The following RPLP0 variants were observed in gnomAD, a reference collection of about 807,000 sequenced individuals.
The protein encoded by RPLP0 is ribosomal protein lateral stalk subunit P0.
For synonymous variants in RPLP0, 137 were observed against 153.4 expected (o/e 0.89, Z 0.79); for missense variants, 276 against 402.9 (o/e 0.69, Z 2.70).
At chr12:120,197,617 C>T in intron 6 of RPLP0, 155 bp from the exon 7 acceptor site, 1 of 795,016 alleles carries the variant, frequency 1.3e-6, no homozygotes, top group Non-Finnish European at 2.0e-6. Flanking sequence ...ATGCTCCTGG[C>T]AGAGCAATTC....
intron 7 of RPLP0, 47 bp downstream of exon 7, chr12:120,197,275 A>G (rs762019528): frequency 1.3e-6 from 2 of 1,562,444 alleles, no homozygotes; most frequent in Admixed American, 1.7e-5. Flanking sequence ...TCACCCTGCT[A>G]ATTTGTCACA....
intron 2 of RPLP0, 173 bp downstream of exon 2, chr12:120,200,557 G>T: frequency 3.0e-6 from 2 of 659,830 alleles, no homozygotes; most frequent in Non-Finnish European, 5.0e-6. Context: ...GCCTGAGCCC[G>T]TTTATCTGCA....
At chr12:120,197,509 G>T (rs1456754782) in intron 6 of RPLP0, 47 bp from the exon 7 acceptor site, 2 of 1,510,300 alleles carry the variant, frequency 1.3e-6, no homozygotes, top group East Asian at 4.5e-5. Context: ...CTACAGGAAA[G>T]GAAGTCCAAG....
In RPLP0 at chr12:120,197,055, C is replaced by A. The variant is rs143860591; in HGVS notation, c.793-121G>T. 15 of 1,520,776 alleles carry A rather than the reference C, an allele frequency of 9.9e-6. No individual in the cohort carries two copies. The African/African-American group carries it at 1.8e-4, about 18-fold the overall frequency. The allele number at this position is 1,520,776 out of a possible 1,614,324, so 94.2% of individuals were successfully genotyped here. On this transcript the variant is annotated intron_variant, in intron 7 of 7. Transcript: ENST00000392514. ...AAAGTCCGTGTGAAGCCTTTCCTGT[C>A]AGAAGCAGCCCAAGCAGGACAGCTT...
Position 120,200,850 on chromosome 12 carries a change from C to T in RPLP0, c.-48-19G>A. On this transcript the variant is annotated intron_variant, in intron 1 of 7. Transcript: ENST00000392514. ...GATGTCACTGAGGAGAGACAGGGAG[C>T]TCAGGCCTGGTCACGCCGACACCCA... is the stretch of plus-strand genomic sequence containing the variant. The T allele has an allele frequency of 6.3e-7, 1 of 1,576,750 alleles. No homozygotes were observed. Among genetic ancestry groups the T allele is most frequent in the Non-Finnish European group, 8.6e-7 (1 of 1,161,904 alleles).
intron 1 of RPLP0, 104 bp downstream of exon 1, chr12:120,200,978 GC>G: frequency 1.1e-6 from 1 of 937,948 alleles, no homozygotes. Context: ...CGCCACCGAG[GC>G]CCCAGGCGGA....
chr12:120,197,221 C>T, intron 7 of RPLP0, 101 bp downstream of exon 7: 2 of 1,158,008 alleles, frequency 1.7e-6, no homozygotes, highest in Non-Finnish European at 2.5e-6. Flanking sequence ...AAATTATCTG[C>T]TATATAAAAT....
At chr12:120,197,502 C>A (rs546079611) in intron 6 of RPLP0, 40 bp from the exon 7 acceptor site, 7 of 1,605,484 alleles carry the variant, frequency 4.4e-6, no homozygotes, top group Non-Finnish European at 5.1e-6. Flanking sequence ...AGATTCCCTA[C>A]AGGAAAGGAA....
At chr12:120,199,643 A>T in intron 2 of RPLP0, 158 bp from the exon 3 acceptor site, 1 of 678,120 alleles carries the variant, frequency 1.5e-6, no homozygotes, top group Non-Finnish European at 2.4e-6. Flanking sequence ...ACACTGCCAA[A>T]CTGGATGATT....
At chr12:120,197,688 T>C in intron 6 of RPLP0, 1 of 542,502 alleles carries the variant, frequency 1.8e-6, no homozygotes, top group East Asian at 3.0e-5. Flanking sequence ...CCATTGTTGA[T>C]GGCATTTACT....
At position 120,198,332 on chromosome 12, in the gene RPLP0, C is replaced by G. The variant is rs908390511; in HGVS notation, c.651+222G>C. ...CCCGGAGGCGGAGCTTGCAGTGAGC[C>G]GGGAGATTGTGCCACTGCACTCCAG... On this transcript the variant is annotated intron_variant, in intron 6 of 7. Transcript: ENST00000392514. This position sits in a 1 kb window ranked among gnomAD's most constrained non-coding sequence, Gnocchi z 4.1. The G allele has an allele frequency of 1.5e-5, 8 of 518,530 alleles. No individual in the cohort carries two copies. The African/African-American group carries it at 1.6e-4, about 10-fold the overall frequency. The allele number at this position is 518,530 out of a possible 1,614,324, so 32.1% of individuals were successfully genotyped here.
chr12:120,200,334 G>C, intron 2 of RPLP0: 1 of 329,782 alleles, frequency 3.0e-6, no homozygotes, highest in South Asian at 2.4e-5. Context: ...GTGGTGTCGC[G>C]CCCCTGTAAT....
At chr12:120,199,035 C>G in intron 4 of RPLP0, 35 bp from the exon 5 acceptor site, 1 of 1,613,754 alleles carries the variant, frequency 6.2e-7, no homozygotes, top group Non-Finnish European at 8.5e-7. Flanking sequence ...AAAAGCCTCT[C>G]CACTCACACA....
chr12:120,200,628 A>C, intron 2 of RPLP0, 102 bp downstream of exon 2: 2 of 1,324,026 alleles, frequency 1.5e-6, no homozygotes, highest in East Asian at 5.1e-5. Flanking sequence ...AAATGGCCTA[A>C]TTCAGTAGCC....
rs747763550 is a variant in RPLP0 at position 120,197,343 on chromosome 12, G to A, written c.771C>T (p.Tyr257=). Residue 257 remains tyrosine (Y), a synonymous_variant, in exon 7 of 8, where the codon TAC becomes TAT. Transcript: ENST00000392514. ...RVLALSVETD[Y]TFPLAEKVKA... is the part of the protein sequence containing the mutation. ...TTACCTTTTCAGCAAGTGGGAAGGTGTAATCCGTCTCCACAGACAAGGCCA... is the reference window on the plus strand; with the variant it reads ...TTACCTTTTCAGCAAGTGGGAAGGTATAATCCGTCTCCACAGACAAGGCCA... 35 of 1,613,902 alleles carry A rather than the reference G, an allele frequency of 2.2e-5. No homozygotes were observed. In the Middle Eastern group the frequency reaches 2.6e-3, roughly 122 times the overall value.
Position 120,196,992 on chromosome 12 carries a change from C to T in RPLP0, c.793-58G>A, listed in dbSNP as rs190001053. 26 of 1,604,796 alleles carry T rather than the reference C, an allele frequency of 1.6e-5. No homozygotes were observed. The Admixed American group carries it at 2.7e-4, about 17-fold the overall frequency. On this transcript the variant is annotated intron_variant, in intron 7 of 7. Coordinates refer to ENST00000392514, the MANE Select transcript of RPLP0 (RefSeq NM_001002.4). ...ATCCACACTCCTCTATTACCCACCA[C>T]CCTCCTGCCTTGGTAGAGTTTAAGG...
intron 1 of RPLP0, 33 bp from the exon 2 acceptor site, chr12:120,200,864 C>A: frequency 6.5e-7 from 1 of 1,547,670 alleles, no homozygotes; most frequent in Non-Finnish European, 8.7e-7. Context: ...GGCCTGGTCA[C>A]GCCGACACCC....
In RPLP0 at chr12:120,199,473, C is replaced by A. The variant is rs1250885817; in HGVS notation, c.67G>T (p.Asp23Tyr). The A allele has an allele frequency of 6.2e-7, 1 of 1,613,744 alleles. No homozygotes were observed. Among genetic ancestry groups the A allele is most frequent in the Admixed American group, 1.7e-5 (1 of 59,972 alleles). ...CCCACAATGAAACATTTCGGATAAT[C>A]ATCCAATAGTTGCTACAAAAAACAA... The part of the protein sequence containing the change: ...YFLKIIQLLD[D>Y]YPKCFIVGAD... Residue 23 changes from aspartate (D) to tyrosine (Y), a missense_variant, in exon 3 of 8, where the codon GAT (aspartate) becomes TAT (tyrosine). By Grantham distance (160) the Asp-to-Tyr change is radical. Transcript: ENST00000392514.
chr12:120,198,823 T>C lies in RPLP0; in HGVS notation c.465+31A>G, dbSNP rs539541009. On this transcript the variant is annotated intron_variant, in intron 5 of 7. Transcript: ENST00000392514. The surrounding 1 kb of genome is among the most constrained non-coding windows in gnomAD (Gnocchi z 4.1). ...CACTAAAAGCAGCTCCCCATTTGCC[T>C]GGTTAGCACAGGCAAACCAGGTCCA... 1.1e-5 allele frequency: 17 copies of C among 1,613,762 alleles called. No homozygotes were observed. The Admixed American group carries it at 2.3e-4, about 22-fold the overall frequency.
Sources: gnomAD v4.1 joint callset for allele counts on GRCh38, gnomAD v4.1.1 for gene constraint, Gnocchi (gnomAD v3.1) non-coding constraint, MANE v1.5 for transcripts, NCBI Gene and HGNC (gene_info 2026-07-23, HGNC 2026-07-21) for gene names.